DOK7: variants seen among roughly 807,000 people sequenced by gnomAD.
DOK7 encodes the protein protein Dok-7.
In DOK7, 32 loss-of-function variants were observed where a neutral mutation model predicts 30.7. The ratio of observed to expected loss-of-function variants is 1.04; its 90% confidence interval spans 0.79 to 1.40. DOK7 has a LOEUF of 1.40. Among genes scored for constraint, DOK7 ranks in the 40% most tolerant of loss-of-function variants. The pLI is 0.00. For synonymous variants in DOK7, 447 were observed against 324.1 expected (o/e 1.38, Z -4.07); for missense variants, 1,007 against 699.2 (o/e 1.44, Z -4.97).
rs765542089 is a variant in DOK7 at position 3,494,159 on chromosome 4, C to T, written c.*658C>T. On this transcript the variant is annotated 3_prime_UTR_variant, in exon 7 of 7. Transcript: ENST00000340083. The stretch of plus-strand genomic sequence containing the variant: ...GCAGGTGGTGTCCTCAGAGCAGCCT[C>T]GCCTGCTGACCCCACTGGGAGAGGC... 1.1e-4 allele frequency: 106 copies of T among 985,476 alleles called. No homozygotes were observed. Among genetic ancestry groups the T allele is most frequent in the Non-Finnish European group, 1.2e-4 (97 of 830,050 alleles). 61.0% of individuals were successfully genotyped at this position (985,476 alleles called of 1,614,324 possible).
At chr4:3,470,729 C>T (rs1726708824) in intron 2 of DOK7, among the ~76,000 whole-genome samples, 1 of 152,236 alleles carries the variant, frequency 6.6e-6, no homozygotes, top group African/African-American at 2.4e-5. Context: ...CACGTGTCAT[C>T]TGTGGCTGCT....
chr4:3,469,005 CGTGTATGAGTGTGTGTGCCTGTGTAT>C (rs1726562697), intron 2 of DOK7, among the ~76,000 whole-genome samples: 1 of 137,612 alleles, frequency 7.3e-6, no homozygotes, highest in East Asian at 2.2e-4. Context: ...TGTGAGTGTG[CGTGTATGAGTGTGTGTGCCTGTGTAT>C]GTGTATGAGT....
Position 3,494,279 on chromosome 4 carries a change from C to G in DOK7, c.*778C>G. On this transcript the variant is annotated 3_prime_UTR_variant, in exon 7 of 7. Coordinates refer to ENST00000340083, the MANE Select transcript of DOK7 (RefSeq NM_173660.5). ...GGCTTGGCCTGTGTTTCCCCTGGCC[C>G]AGGCCTCAGCCCCTGCGTCGGAGGT... 1.0e-6 allele frequency: 1 copy of G among 985,604 alleles called. No homozygotes were observed. The allele number at this position is 985,604 out of a possible 1,614,324, so 61.1% of individuals were successfully genotyped here. A position where few individuals can be genotyped will look rare whatever the true frequency, so the allele number is the denominator to read the frequency against.
intron 2 of DOK7, 83 bp downstream of exon 2, chr4:3,463,634 C>G: frequency 6.7e-7 from 1 of 1,481,672 alleles, no homozygotes; most frequent in Non-Finnish European, 9.1e-7. Flanking sequence ...CCAGCTTGCC[C>G]AAAATCGCCG....
Position 3,463,566 on chromosome 4 carries a change from C to A in DOK7, c.100+15C>A. ...GCCCGTGGCAGGTGAGCGGGGCGGG[C>A]GGGGGACGGGGGGCGCGGGGGTAGC... On this transcript the variant is annotated intron_variant, in intron 2 of 6. Coordinates refer to ENST00000340083, the MANE Select transcript of DOK7 (RefSeq NM_173660.5). 3.9e-6 allele frequency: 1 copy of A among 256,770 alleles called. No homozygotes were observed. Among genetic ancestry groups the A allele is most frequent in the Non-Finnish European group, 7.1e-6 (1 of 140,906 alleles). The allele number at this position is 256,770 out of a possible 1,614,324, so 15.9% of individuals were successfully genotyped here.
At chr4:3,492,241 G>A (rs746991117) in intron 6 of DOK7, among the ~76,000 whole-genome samples, 9 of 151,918 alleles carry the variant, frequency 5.9e-5, no homozygotes, top group Admixed American at 2.6e-4. Context: ...AGGCAAGGAC[G>A]CCAGCATGGT....
At chr4:3,494,976 G>A (rs1728825535), downstream of DOK7, among the ~76,000 whole-genome samples, 1 of 152,230 alleles carries the variant, frequency 6.6e-6, no homozygotes, top group South Asian at 2.1e-4. Context: ...CTGCCACCCT[G>A]TCAGGGACTG....
At chr4:3,465,757 A>G (rs1435929106) in intron 2 of DOK7, among the ~76,000 whole-genome samples, 1 of 152,148 alleles carries the variant, frequency 6.6e-6, no homozygotes, top group East Asian at 1.9e-4. Flanking sequence ...CAGTGGGACC[A>G]CGTTCCTCAA....
chr4:3,484,158 T>A (rs371198964), intron 4 of DOK7, among the ~76,000 whole-genome samples: 10 of 152,292 alleles, frequency 6.6e-5, no homozygotes, highest in African/African-American at 2.4e-4. Context: ...GTGTCCTTTT[T>A]GCTAAAGTAG....
At chr4:3,484,313 G>T (rs147478785) in intron 4 of DOK7, among the ~76,000 whole-genome samples, 1 of 152,332 alleles carries the variant, frequency 6.6e-6, no homozygotes, top group African/African-American at 2.4e-5. Context: ...CCTGAGTTCC[G>T]TGTCCCTGGA....
At chr4:3,495,055 T>C (rs1234604049), downstream of DOK7, among the ~76,000 whole-genome samples, 1 of 152,168 alleles carries the variant, frequency 6.6e-6, no homozygotes, top group Non-Finnish European at 1.5e-5. Context: ...CTTTGGGGAC[T>C]GAGTTTGGGC....
chr4:3,476,259 C>CCTG, intron 3 of DOK7, 83 bp from the exon 4 acceptor site: 4 of 991,456 alleles, frequency 4.0e-6, no homozygotes, highest in Admixed American at 2.8e-5. Context: ...CCCACCCGCC[C>CCTG]GTGATGCCCT....
intron 2 of DOK7, 23 bp downstream of exon 2, chr4:3,463,574 G>A (rs756021191): frequency 2.8e-5 from 43 of 1,509,486 alleles, no homozygotes; most frequent in African/African-American, 7.0e-5. Flanking sequence ...GGCGGGGGAC[G>A]GGGGGCGCGG....
downstream of DOK7, chr4:3,496,693 G>A: frequency 2.0e-6 from 2 of 1,019,228 alleles, no homozygotes; most frequent in East Asian, 2.6e-5. Context: ...TGGACTCCCT[G>A]CAGGTGACCC....
At chr4:3,480,200 T>TC (rs1174047856) in intron 4 of DOK7, among the ~76,000 whole-genome samples, 3 of 151,984 alleles carry the variant, frequency 2.0e-5, no homozygotes, top group Non-Finnish European at 2.9e-5. Flanking sequence ...GCCCCCTTTT[T>TC]CCCCCCTTAC....
At chr4:3,463,576 GGGGC>G in intron 2 of DOK7, 25 bp downstream of exon 2, 1 of 1,520,982 alleles carries the variant, frequency 6.6e-7, no homozygotes, top group Non-Finnish European at 8.8e-7. Context: ...CGGGGGACGG[GGGGC>G]GCGGGGGTAG....
intron 6 of DOK7, among the ~76,000 whole-genome samples, chr4:3,490,860 A>C (rs1263386115): frequency 1.6e-5 from 1 of 64,416 alleles, no homozygotes; most frequent in Non-Finnish European, 2.7e-5. Flanking sequence ...CCCCCCACTC[A>C]TTTCATTCCT....
chr4:3,474,041 G>T (rs1304152534), intron 3 of DOK7, among the ~76,000 whole-genome samples: 6 of 152,066 alleles, frequency 3.9e-5, no homozygotes, highest in African/African-American at 1.4e-4. Flanking sequence ...TGGGAGGGAG[G>T]GAGGGAATAG....
chr4:3,469,493 G>A (rs1726625605), intron 2 of DOK7, among the ~76,000 whole-genome samples: 1 of 152,150 alleles, frequency 6.6e-6, no homozygotes, highest in South Asian at 2.1e-4. Flanking sequence ...TGGGTGAGCA[G>A]GGCCGATGGT....
Sources: gnomAD v4.1 joint callset for allele counts (sites outside exome capture counted in the v4.1 genomes callset) on GRCh38, gnomAD v4.1.1 for gene constraint, MANE v1.5 for transcripts, NCBI Gene and HGNC (gene_info 2026-07-23, HGNC 2026-07-21) for gene names.